Variants in ZBBX observed in about 807,000 individuals in gnomAD.
ZBBX encodes zinc finger B-box domain containing.
A neutral mutation model predicts 108.5 loss-of-function variants in ZBBX; 101 were observed. That is an observed-to-expected ratio of 0.93 (90% CI 0.79 to 1.10). The LOEUF (loss-of-function observed/expected upper bound fraction) is 1.10. ZBBX is among the 50% of genes least tolerant of loss of function. ZBBX has a pLI of 0.00. For missense variants in ZBBX, 1,009 were observed against 941.4 expected, an observed-to-expected ratio of 1.07 and a Z score of -0.94; for synonymous variants, 356 against 323.4, an observed-to-expected ratio of 1.10 and a Z score of -1.08.
At chr3:167,224,677 T>C in the ZBBX span, among the ~76,000 whole-genome samples, 5 of 152,108 alleles carry the variant, frequency 3.3e-5, no homozygotes, top group African/African-American at 9.6e-5. Context: ...TGGGTAGTTT[T>C]AACTCTGGCA....
chr3:167,345,330 C>G (rs1008454354), intron 9 of ZBBX, among the ~76,000 whole-genome samples: 2 of 151,746 alleles, frequency 1.3e-5, no homozygotes, highest in South Asian at 4.2e-4. Flanking sequence ...AGAAGAAATG[C>G]CAGGTGATAA....
the ZBBX span, among the ~76,000 whole-genome samples, chr3:167,217,885 C>A: frequency 3.0e-5 from 4 of 134,468 alleles, no homozygotes; most frequent in Non-Finnish European, 6.2e-5. Flanking sequence ...GTCGCATGTT[C>A]TCACTATTTT....
At chr3:167,386,029 G>A (rs1042326872) in intron 1 of ZBBX, among the ~76,000 whole-genome samples, 1 of 152,006 alleles carries the variant, frequency 6.6e-6, no homozygotes, top group Non-Finnish European at 1.5e-5. Context: ...TATTGAACAG[G>A]AGTCCAAACT....
chr3:167,352,721 C>CAAAAAAAAAAAAAAAAAA (rs61596269), intron 8 of ZBBX, among the ~76,000 whole-genome samples: 1 of 130,086 alleles, frequency 7.7e-6, no homozygotes, highest in Non-Finnish European at 1.7e-5. Context: ...CAAAAATTCT[C>CAAAAAAAAAAAAAAAAAA]AAAAAAAAAA....
intron 1 of ZBBX, among the ~76,000 whole-genome samples, chr3:167,399,050 C>T (rs1260117240): frequency 2.0e-5 from 3 of 150,740 alleles, no homozygotes; most frequent in Non-Finnish European, 3.0e-5. Context: ...TGAGACTCTT[C>T]GGAGTCCCCA....
In ZBBX at chr3:167,282,409, G is replaced by T. The variant is rs751367746; in HGVS notation, c.2083C>A (p.Pro695Thr). The change falls in exon 20 of 22, where the codon CCT (proline) becomes ACT (threonine). Residue 695 changes from proline to threonine, a missense_variant. By Grantham distance (38) the Pro-to-Thr change is conservative. Transcript: ENST00000675490. ...TGAGCAGCTGCACTTCTTGATCGAGGATGAGAGGATGAAAGGCAACTGGAG... is the reference window on the plus strand; with the variant it reads ...TGAGCAGCTGCACTTCTTGATCGAGTATGAGAGGATGAAAGGCAACTGGAG... ...ESSSCLSSSH[P>T]RSRSAAAQSS... The T allele has an allele frequency of 1.2e-5, 19 of 1,614,122 alleles. No individual in the cohort carries two copies. The South Asian group carries it at 1.5e-4, about 13-fold the overall frequency.
chr3:167,328,164 AC>A, intron 10 of ZBBX, 48 bp from the exon 11 acceptor site: 1 of 1,543,394 alleles, frequency 6.5e-7, no homozygotes, highest in Non-Finnish European at 8.7e-7. Flanking sequence ...TTCTGTATTT[AC>A]CCACAAAAAT....
At chr3:167,355,096 T>C (rs1743315179) in intron 8 of ZBBX, among the ~76,000 whole-genome samples, 1 of 151,976 alleles carries the variant, frequency 6.6e-6, no homozygotes, top group Non-Finnish European at 1.5e-5. Flanking sequence ...GTTAATTTGA[T>C]GAATGCCAGA....
At chr3:167,310,780 T>C (rs1734444144) in intron 16 of ZBBX, among the ~76,000 whole-genome samples, 1 of 152,212 alleles carries the variant, frequency 6.6e-6, no homozygotes. Context: ...ATATCATAGA[T>C]AGAAATCTAA....
At chr3:167,300,041 G>A (rs1305282056) in intron 17 of ZBBX, among the ~76,000 whole-genome samples, 1 of 152,134 alleles carries the variant, frequency 6.6e-6, no homozygotes. Context: ...ATAATAAGAT[G>A]CTCAGGGAGA....
At chr3:167,257,975 C>T (rs149840569) in intron 20 of ZBBX, among the ~76,000 whole-genome samples, 211 of 152,110 alleles carry the variant, frequency 1.4e-3, no homozygotes, top group Admixed American at 3.1e-3. Context: ...CTGACTGTTC[C>T]TTCTGCTGAG....
the ZBBX span, among the ~76,000 whole-genome samples, chr3:167,183,830 C>G: frequency 1.3e-5 from 2 of 152,140 alleles, no homozygotes; most frequent in African/African-American, 4.8e-5. Context: ...GAGCATGTCA[C>G]AGTGCTGCAG....
intron 20 of ZBBX, among the ~76,000 whole-genome samples, chr3:167,275,586 C>T (rs58830470): frequency 0.014 from 2,201 of 152,326 alleles, 48 homozygotes; most frequent in African/African-American, 0.05. Flanking sequence ...TAAAAAACGG[C>T]GCACCAGGAG....
chr3:167,330,834 A>G (rs946745781), intron 10 of ZBBX, among the ~76,000 whole-genome samples: 1 of 93,316 alleles, frequency 1.1e-5, no homozygotes, highest in Non-Finnish European at 2.1e-5. Context: ...AAGCAGAAGT[A>G]GAAGAGGAAG....
intron 9 of ZBBX, among the ~76,000 whole-genome samples, chr3:167,347,751 T>G (rs561600006): frequency 7.2e-5 from 11 of 152,034 alleles, no homozygotes; most frequent in Non-Finnish European, 1.3e-4. Flanking sequence ...AACCTCACAA[T>G]TCCACTTCCC....
intron 8 of ZBBX, among the ~76,000 whole-genome samples, chr3:167,350,755 C>A (rs546851314): frequency 6.6e-5 from 10 of 151,848 alleles, no homozygotes; most frequent in Admixed American, 1.3e-4. Flanking sequence ...ATTCTCATAT[C>A]AAAATAAATG....
intron 10 of ZBBX, among the ~76,000 whole-genome samples, chr3:167,330,977 T>TCTCTCTCTCTC (rs1553820893): frequency 2.5e-4 from 5 of 20,218 alleles, no homozygotes; most frequent in Admixed American, 5.8e-4. Flanking sequence ...CCCACTCCCC[T>TCTCTCTCTCTC]TCTGTATGCA....
chr3:167,405,508 A>G (rs1191324856), intron 1 of ZBBX, among the ~76,000 whole-genome samples: 1 of 152,186 alleles, frequency 6.6e-6, no homozygotes, highest in African/African-American at 2.4e-5. Flanking sequence ...ACATTTGGTG[A>G]ACAAAAAGTT....
intron 4 of ZBBX, 169 bp from the exon 5 acceptor site, chr3:167,368,743 A>G (rs1465498765): frequency 6.3e-6 from 8 of 1,270,754 alleles, no homozygotes; most frequent in Admixed American, 7.7e-5. Flanking sequence ...TTTGCCTTCC[A>G]TCAAAATCCT....
Sources: gnomAD v4.1 joint callset for allele counts (sites outside exome capture counted in the v4.1 genomes callset) on GRCh38, gnomAD v4.1.1 for gene constraint, MANE v1.5 for transcripts, NCBI Gene and HGNC (gene_info 2026-07-23, HGNC 2026-07-21) for gene names.